The following GPR157 variants were observed in gnomAD, a reference collection of about 807,000 sequenced individuals.
GPR157 encodes the protein G-protein coupled receptor 157.
GPR157 carries 16 observed loss-of-function variants against 23.5 expected under a neutral mutation model. That is an observed-to-expected ratio of 0.68 (90% confidence interval 0.46 to 1.04). The LOEUF is 1.04. GPR157 is among the 50% of genes least tolerant of loss of function. The probability of loss-of-function intolerance (pLI) is 0.00; values close to 1 mark genes in which losing one functional copy is unlikely to be tolerated. For synonymous variants in GPR157, 200 were observed against 221.5 expected, an observed-to-expected ratio of 0.90 and a Z score of 0.86; for missense variants, 440 against 460.7, an observed-to-expected ratio of 0.96 and a Z score of 0.41.
Position 9,105,779 on chromosome 1 carries a change from G to T in GPR157, c.598-99C>A. ...CTTCCCAGGGACTTGAACTAGCTCAGGGAGGTAGGGGAGATGTGTGGTGGA... is the reference window on the plus strand; with the variant it reads ...CTTCCCAGGGACTTGAACTAGCTCATGGAGGTAGGGGAGATGTGTGGTGGA... On this transcript the variant is annotated intron_variant, in intron 2 of 3. Coordinates refer to ENST00000377411, the MANE Select transcript of GPR157 (RefSeq NM_024980.5). The surrounding 1 kb of genome is among the most constrained non-coding windows in gnomAD (Gnocchi z 4.8). The T allele has an allele frequency of 1.1e-6, 1 of 948,014 alleles. No homozygotes were observed. Among genetic ancestry groups the T allele is most frequent in the South Asian group, 1.7e-5 (1 of 60,400 alleles). The allele number at this position is 948,014 out of a possible 1,614,324, so 58.7% of individuals were successfully genotyped here.
In GPR157 at chr1:9,123,686, T is replaced by G. The variant is rs1335773169; in HGVS notation, c.383+4959A>C. 5.2e-5 allele frequency among the ~76,000 whole-genome samples: 6 copies of G among 114,450 alleles called. 1 individual carries two copies. Among genetic ancestry groups the G allele is most frequent in the Non-Finnish European group, 1.6e-5 (1 of 60,830 alleles). The allele number at this position is 114,450 out of a possible 152,430, so 75.1% of individuals were successfully genotyped here. A position where few individuals can be genotyped will look rare whatever the true frequency, so the allele number is the denominator to read the frequency against. The stretch of plus-strand genomic sequence containing the variant: ...ATATATATTTAATATTAAATATATA[T>G]TTAATATATATTTAATTTTAAATAT... On this transcript the variant is annotated intron_variant, in intron 1 of 3. Transcript: ENST00000377411.
Position 9,120,348 on chromosome 1 carries a change from T to A in GPR157, c.383+8297A>T, listed in dbSNP as rs931438324. ...GAGGAAAACAAGCAGGTCCCTTCTC[T>A]GGGCCAAACACAATGCCTGGTGTAG... On this transcript the variant is annotated intron_variant, in intron 1 of 3. Transcript: ENST00000377411. The surrounding 1 kb of genome is among the most constrained non-coding windows in gnomAD (Gnocchi z 4.1). Among the ~76,000 whole-genome samples, 1 of 152,204 alleles carries A rather than the reference T, an allele frequency of 6.6e-6. No homozygotes were observed. Among genetic ancestry groups the A allele is most frequent in the Non-Finnish European group, 1.5e-5 (1 of 68,040 alleles).
rs1276218542 is a variant in GPR157, at chr1:9,128,798, C to G, written c.230G>C (p.Trp77Ser). Residue 77 changes from tryptophan (W) to serine (S), a missense_variant, in exon 1 of 4, where the codon TGG becomes TCG. Trp to Ser is a radical substitution (Grantham distance 177). Coordinates refer to ENST00000377411, the MANE Select transcript of GPR157 (RefSeq NM_024980.5). The surrounding 1 kb of genome is among the most constrained non-coding windows in gnomAD (Gnocchi z 6.3). Reference sequence around the variant, plus strand: ...CAGCGCGCCCTGCAGCACGCAGTCCCACGACGGGCCCGCGAAGTTCTGCAG... The same window carrying G: ...CAGCGCGCCCTGCAGCACGCAGTCCGACGACGGGCCCGCGAAGTTCTGCAG... ...GVLQNFAGPS[W>S]DCVLQGALST... is the part of the protein sequence containing the mutation. 18 of 1,611,160 alleles carry G rather than the reference C, an allele frequency of 1.1e-5. No homozygotes were observed. The highest frequency in any genetic ancestry group is 3.3e-5 in the Admixed American group (2 of 59,836).
intron 1 of GPR157, among the ~76,000 whole-genome samples, chr1:9,114,646 G>C (rs1490896200): frequency 1.3e-5 from 2 of 152,170 alleles, no homozygotes; most frequent in Non-Finnish European, 2.9e-5. Context: ...TGTAACTTTA[G>C]GGTTGCAGTA....
chr1:9,111,969 CAAA>C (rs1006413183), intron 1 of GPR157, among the ~76,000 whole-genome samples: 2 of 151,630 alleles, frequency 1.3e-5, no homozygotes, highest in East Asian at 3.9e-4. Flanking sequence ...GACTCCATCT[CAAA>C]AAAAGAAAAA....
intron 1 of GPR157, among the ~76,000 whole-genome samples, chr1:9,127,214 C>T (rs1569983480): frequency 6.6e-6 from 1 of 152,078 alleles, no homozygotes; most frequent in Non-Finnish European, 1.5e-5. Flanking sequence ...CTGAACAACA[C>T]AGAAACCCCC....
chr1:9,123,163 G>GGAAAAA (rs374439585), intron 1 of GPR157, among the ~76,000 whole-genome samples: 1 of 87,572 alleles, frequency 1.1e-5, no homozygotes, highest in African/African-American at 4.3e-5. Context: ...TCTTGGGTGG[G>GGAAAAA]AAAAAAAAAA....
Position 9,105,552 on chromosome 1 carries a change from G to A in GPR157, c.726C>T (p.Thr242=), listed in dbSNP as rs776832810. 4.7e-5 allele frequency: 75 copies of A among 1,601,930 alleles called. 1 individual carries two copies. The South Asian group carries it at 5.8e-4, about 12-fold the overall frequency. Residue 242 remains threonine (T), a synonymous_variant, in exon 3 of 4, where the codon ACC becomes ACT. Coordinates refer to ENST00000377411, the MANE Select transcript of GPR157 (RefSeq NM_024980.5). The surrounding 1 kb of genome is among the most constrained non-coding windows in gnomAD (Gnocchi z 4.8). ...CACAGAGGGTCAGCACGAACCGCAC[G>A]GTGCTCCAGACCCTGAGGCCGATGA... ...LIFIGLRVWS[T]VRFVLTLCGS...
chr1:9,116,722 T>G (rs1569965706), intron 1 of GPR157, among the ~76,000 whole-genome samples: 1 of 142,668 alleles, frequency 7.0e-6, no homozygotes. Flanking sequence ...CCAGCCTGGG[T>G]GACAGAGGAA....
intron 2 of GPR157, among the ~76,000 whole-genome samples, chr1:9,108,354 C>T (rs1230113796): frequency 6.6e-6 from 1 of 152,196 alleles, no homozygotes; most frequent in Non-Finnish European, 1.5e-5. Context: ...ACTTCGATCC[C>T]GTTTTTCTGA....
Position 9,112,059 on chromosome 1 carries a change from G to A in GPR157, c.384-570C>T, listed in dbSNP as rs529793283. On this transcript the variant is annotated intron_variant, in intron 1 of 3. Transcript: ENST00000377411. The stretch of plus-strand genomic sequence containing the variant: ...TGTTTGCTGCTGTCGTGACTGTTGT[G>A]AGTCACGTCCTGCTGTCCCAGGTTT... Among the ~76,000 whole-genome samples the A allele has an allele frequency of 7.8e-4, 119 of 152,360 alleles. 2 individuals carry two copies. The highest frequency in any genetic ancestry group is 2.6e-3 in the African/African-American group (110 of 41,574).
Position 9,129,017 on chromosome 1 carries a change from G to GA in GPR157, c.10dup (p.Ser4PhefsTer145). On this transcript the variant is annotated frameshift_variant, in exon 1 of 4. Coordinates refer to ENST00000377411, the MANE Select transcript of GPR157 (RefSeq NM_024980.5). LOFTEE classifies it high-confidence loss of function. ...CGGCACCAGCTCGGTGGGCGGCGGG[G>GA]ACGGCTGCATGGCGTGGGGGGCCAG... 1 of 1,304,298 alleles carries GA rather than the reference G, an allele frequency of 7.7e-7. No homozygotes were observed. The highest frequency in any genetic ancestry group is 9.7e-7 in the Non-Finnish European group (1 of 1,029,696). 80.8% of individuals were successfully genotyped at this position (1,304,298 alleles called of 1,614,324 possible).
At chr1:9,108,694 G>C (rs1320908599) in intron 2 of GPR157, among the ~76,000 whole-genome samples, 1 of 152,116 alleles carries the variant, frequency 6.6e-6, no homozygotes, top group African/African-American at 2.4e-5. Flanking sequence ...TGTCACCCAG[G>C]CTGGAATACA....
intron 1 of GPR157, among the ~76,000 whole-genome samples, chr1:9,114,631 C>T (rs989925435): frequency 3.2e-4 from 48 of 152,262 alleles, no homozygotes; most frequent in African/African-American, 9.4e-4. Flanking sequence ...CACGGAACCG[C>T]ACTCTGTAAC....
intron 1 of GPR157, among the ~76,000 whole-genome samples, chr1:9,125,788 G>A (rs933081617): frequency 2.0e-5 from 3 of 152,010 alleles, no homozygotes; most frequent in Admixed American, 6.6e-5. Flanking sequence ...AAACACCTTC[G>A]TACATACAGC....
rs1253842637 is a variant in GPR157 at position 9,128,860 on chromosome 1, G to A, written c.168C>T (p.Ala56=). The change falls in exon 1 of 4, where the codon GCC becomes GCT. Residue 56 remains alanine (A), a synonymous_variant. Transcript: ENST00000377411. This position sits in a 1 kb window ranked among gnomAD's most constrained non-coding sequence, Gnocchi z 6.3. The part of the protein sequence containing the change: ...ARRLLLFLSL[A]DLLSAASYFY... Reference sequence around the variant, plus strand: ...AGTAGGAGGCGGCCGAGAGCAGGTCGGCCAGCGACAGGAAGAGCAGCAGGC... The same window carrying A: ...AGTAGGAGGCGGCCGAGAGCAGGTCAGCCAGCGACAGGAAGAGCAGCAGGC... 2 of 1,584,796 alleles carry A rather than the reference G, an allele frequency of 1.3e-6. No individual in the cohort carries two copies. Among genetic ancestry groups the A allele is most frequent in the South Asian group, 1.1e-5 (1 of 87,842 alleles).
rs368133201 is a variant in GPR157, at chr1:9,116,179, A to AT, written c.384-4691dup. ...ATATATATATAATATAATTATATAT[A>AT]TTATATATATAATATAATTATATAT... On this transcript the variant is annotated intron_variant, in intron 1 of 3. Transcript: ENST00000377411. Among the ~76,000 whole-genome samples, 19 of 20,684 alleles carry AT rather than the reference A, an allele frequency of 9.2e-4. 1 individual carries two copies. Among genetic ancestry groups the AT allele is most frequent in the East Asian group, 8.5e-3 (2 of 236 alleles). The allele number at this position is 20,684 out of a possible 152,430, so 13.6% of individuals were successfully genotyped here. A position where few individuals can be genotyped will look rare whatever the true frequency, so the allele number is the denominator to read the frequency against.
Position 9,118,096 on chromosome 1 carries a change from C to T in GPR157, c.384-6607G>A, listed in dbSNP as rs777880528. Among the ~76,000 whole-genome samples, 10 of 152,282 alleles carry T rather than the reference C, an allele frequency of 6.6e-5. No individual in the cohort carries two copies. The highest frequency in any genetic ancestry group is 1.2e-4 in the African/African-American group (5 of 41,548). On this transcript the variant is annotated intron_variant, in intron 1 of 3. Coordinates refer to ENST00000377411, the MANE Select transcript of GPR157 (RefSeq NM_024980.5). The surrounding 1 kb of genome is among the most constrained non-coding windows in gnomAD (Gnocchi z 4.6). ...TCTAAACCTGAGACTGACAAGCTGG[C>T]GCCAGTGCCAGGTCACCTGAGGAGC...
rs148748835 is a variant in GPR157 at position 9,104,353 on chromosome 1, G to A, written c.*66C>T. 3.9e-3 allele frequency: 4,534 copies of A among 1,175,816 alleles called. 17 individuals carry two copies. The highest frequency in any genetic ancestry group is 5.2e-3 in the Non-Finnish European group (4,169 of 795,224). The allele number at this position is 1,175,816 out of a possible 1,614,324, so 72.8% of individuals were successfully genotyped here. A position where few individuals can be genotyped will look rare whatever the true frequency, so the allele number is the denominator to read the frequency against. Reference sequence around the variant, plus strand: ...ACATGCACTTCTGCCCCTGCAGCAGGGACTCACAGAAGTGCCTACCCCCAG... The same window carrying A: ...ACATGCACTTCTGCCCCTGCAGCAGAGACTCACAGAAGTGCCTACCCCCAG... On this transcript the variant is annotated 3_prime_UTR_variant, in exon 4 of 4. Coordinates refer to ENST00000377411, the MANE Select transcript of GPR157 (RefSeq NM_024980.5).
Sources: allele counts gnomAD v4.1 joint callset (sites outside exome capture counted in the v4.1 genomes callset), GRCh38; gene constraint gnomAD v4.1.1; non-coding constraint Gnocchi (gnomAD v3.1); transcripts MANE v1.5; gene names NCBI Gene and HGNC (gene_info 2026-07-23, HGNC 2026-07-21).